Variants in ACOT7 observed in about 807,000 individuals in gnomAD.
ACOT7 encodes the protein acyl-CoA thioesterase 7, also known as cytosolic acyl coenzyme A thioester hydrolase.
In ACOT7, 12 loss-of-function variants were observed where a neutral mutation model predicts 40.2. That is an observed-to-expected ratio of 0.30 (90% confidence interval 0.19 to 0.48). The LOEUF is 0.48. ACOT7 is among the 20% of genes least tolerant of loss of function. The probability of loss-of-function intolerance (pLI) is 0.99; values close to 1 mark genes in which losing one functional copy is unlikely to be tolerated. For missense variants in ACOT7, 395 were observed against 530.8 expected (o/e 0.74, Z 2.51); for synonymous variants, 228 against 219.5 (o/e 1.04, Z -0.34).
intron 5 of ACOT7, among the ~76,000 whole-genome samples, chr1:6,321,479 G>A (rs1640643445): frequency 6.6e-6 from 1 of 152,164 alleles, no homozygotes; most frequent in African/African-American, 2.4e-5. Flanking sequence ...ATGTGGGTGT[G>A]TAAACCACAC....
intron 1 of ACOT7, among the ~76,000 whole-genome samples, chr1:6,386,064 T>G (rs553016993): frequency 6.6e-6 from 1 of 152,090 alleles, no homozygotes; most frequent in Non-Finnish European, 1.5e-5. Context: ...CTCAGGCAAG[T>G]AGAAGAATGA....
At chr1:6,305,801 G>A (rs1272689172) in intron 6 of ACOT7, among the ~76,000 whole-genome samples, 1 of 152,210 alleles carries the variant, frequency 6.6e-6, no homozygotes, top group Non-Finnish European at 1.5e-5. Context: ...GCCGGGCAGA[G>A]GCTGCAATCT....
intron 7 of ACOT7, among the ~76,000 whole-genome samples, chr1:6,291,457 G>C (rs1317690696): frequency 6.6e-6 from 1 of 152,202 alleles, no homozygotes; most frequent in Non-Finnish European, 1.5e-5. Flanking sequence ...CCTTGGCCCT[G>C]CTGACGCCTT....
intron 2 of ACOT7, among the ~76,000 whole-genome samples, chr1:6,345,472 C>T (rs966894372): frequency 3.9e-5 from 6 of 152,220 alleles, no homozygotes; most frequent in African/African-American, 1.4e-4. Context: ...TCTGTAAACA[C>T]AGATAATAAA....
chr1:6,287,021 C>T lies in ACOT7; in HGVS notation c.830-5735G>A, dbSNP rs1639522453. Among the ~76,000 whole-genome samples the T allele has an allele frequency of 2.6e-5, 4 of 152,322 alleles. No individual in the cohort carries two copies. The South Asian group carries it at 8.3e-4, about 32-fold the overall frequency. ...CAGGATGGTCTCGATCTCCTGACCT[C>T]GTGATCTGCCTGCCTCGGCCTCCCA... On this transcript the variant is annotated intron_variant, in intron 7 of 8. Transcript: ENST00000361521.
rs945075865 is a variant in ACOT7, at chr1:6,319,396, T to C, written c.626-818A>G. Among the ~76,000 whole-genome samples, 22 of 152,316 alleles carry C rather than the reference T, an allele frequency of 1.4e-4. 1 individual carries two copies. The South Asian group carries it at 3.5e-3, about 24-fold the overall frequency. On this transcript the variant is annotated intron_variant, in intron 5 of 8. Coordinates refer to ENST00000361521, the MANE Select transcript of ACOT7 (RefSeq NM_007274.4). ...TTAGTAGAGACAGGGTTTCACCATA[T>C]TGGCCAGGCTGGTCTTGAACTCCTG...
intron 3 of ACOT7, among the ~76,000 whole-genome samples, chr1:6,336,939 C>A (rs1641123342): frequency 6.6e-6 from 1 of 152,154 alleles, no homozygotes; most frequent in Admixed American, 6.5e-5. Flanking sequence ...GGCTCCGGGG[C>A]CTGACCAAGA....
rs572184685 is a variant in ACOT7 at position 6,303,968 on chromosome 1, A to G, written c.713-8988T>C. On this transcript the variant is annotated intron_variant, in intron 6 of 8. Coordinates refer to ENST00000361521, the MANE Select transcript of ACOT7 (RefSeq NM_007274.4). ...GTTTGAGTATCCATGCTTCACTTTC[A>G]AAATAAGGAAGCAGAGAAAGGGTAG... Among the ~76,000 whole-genome samples, 342 of 152,240 alleles carry G rather than the reference A, an allele frequency of 2.2e-3. 3 individuals are homozygous for G. Among genetic ancestry groups the G allele is most frequent in the Middle Eastern group, 6.8e-3 (2 of 294 alleles).
intron 3 of ACOT7, among the ~76,000 whole-genome samples, chr1:6,336,210 T>G (rs1203192732): frequency 6.6e-6 from 1 of 151,846 alleles, no homozygotes; most frequent in East Asian, 1.9e-4. Flanking sequence ...GACACGTGCC[T>G]GTAATCCCAG....
chr1:6,279,501 A>C (rs1639292677), intron 8 of ACOT7, among the ~76,000 whole-genome samples: 1 of 152,206 alleles, frequency 6.6e-6, no homozygotes, highest in Admixed American at 6.5e-5. Context: ...ATGCCTCGTA[A>C]GCCCCAAGTC....
intron 1 of ACOT7, among the ~76,000 whole-genome samples, chr1:6,386,586 T>C (rs1642444610): frequency 6.6e-6 from 1 of 152,158 alleles, no homozygotes; most frequent in African/African-American, 2.4e-5. Flanking sequence ...AGGGGTATGG[T>C]GACTCATGCC....
intron 1 of ACOT7, among the ~76,000 whole-genome samples, chr1:6,369,331 T>C (rs1285317988): frequency 6.6e-6 from 1 of 152,036 alleles, no homozygotes; most frequent in Non-Finnish European, 1.5e-5. Context: ...CCAATGTAAA[T>C]TTTTCAATTT....
At chr1:6,374,485 A>G (rs1353393591) in intron 1 of ACOT7, among the ~76,000 whole-genome samples, 4 of 152,228 alleles carry the variant, frequency 2.6e-5, no homozygotes, top group African/African-American at 9.6e-5. Flanking sequence ...TGTGGGGAGA[A>G]GCTGAGCTCC....
intron 5 of ACOT7, among the ~76,000 whole-genome samples, chr1:6,322,760 C>T (rs1354263702): frequency 6.6e-6 from 1 of 152,258 alleles, no homozygotes; most frequent in African/African-American, 2.4e-5. Flanking sequence ...CTGAGGGACT[C>T]AGGGTCAGGA....
chr1:6,353,302 G>C (rs552655721), intron 1 of ACOT7, among the ~76,000 whole-genome samples: 3 of 151,856 alleles, frequency 2.0e-5, no homozygotes, highest in African/African-American at 7.3e-5. Flanking sequence ...CTGGGCAACA[G>C]AGTGAGATGC....
intron 1 of ACOT7, chr1:6,385,907 C>T: frequency 5.0e-6 from 6 of 1,192,252 alleles, no homozygotes; most frequent in Non-Finnish European, 6.7e-6. Flanking sequence ...TGCAAGGAAT[C>T]CATGACTCGG....
At position 6,275,716 on chromosome 1, in the gene ACOT7, C is replaced by CAAAAA. The variant is rs34990815; in HGVS notation, c.1014+5381_1014+5385dup. ...TGGGCGACAGAGTGAGGCTCCGTCT[C>CAAAAA]AAAAAAAAAAAAAAAAAAAAAAAAA... On this transcript the variant is annotated intron_variant, in intron 8 of 8. Transcript: ENST00000361521. This position sits in a 1 kb window ranked among gnomAD's most constrained non-coding sequence, Gnocchi z 5.6. 5.4e-5 allele frequency among the ~76,000 whole-genome samples: 3 copies of CAAAAA among 55,520 alleles called. No homozygotes were observed. The highest frequency in any genetic ancestry group is 7.0e-5 in the Non-Finnish European group (2 of 28,382). 36.4% of individuals were successfully genotyped at this position (55,520 alleles called of 152,430 possible). A position where few individuals can be genotyped will look rare whatever the true frequency, so the allele number is the denominator to read the frequency against.
chr1:6,351,169 AT>A (rs2148456935), intron 1 of ACOT7, among the ~76,000 whole-genome samples: 1 of 152,304 alleles, frequency 6.6e-6, no homozygotes, highest in South Asian at 2.1e-4. Context: ...ATAGCTGCCC[AT>A]CCCCAGTGTC....
chr1:6,344,745 C>A (rs1641369801), intron 2 of ACOT7, among the ~76,000 whole-genome samples: 2 of 115,172 alleles, frequency 1.7e-5, no homozygotes, highest in South Asian at 5.6e-4. Flanking sequence ...GCCTGGGCGA[C>A]AGAGCAAGAC....
Sources: gnomAD v4.1 joint callset for allele counts (sites outside exome capture counted in the v4.1 genomes callset) on GRCh38, gnomAD v4.1.1 for gene constraint, Gnocchi (gnomAD v3.1) non-coding constraint, MANE v1.5 for transcripts, NCBI Gene and HGNC (gene_info 2026-07-23, HGNC 2026-07-21) for gene names.